The following MLC1 variants were observed in gnomAD, a reference collection of about 807,000 sequenced individuals.
The protein encoded by MLC1 is modulator of VRAC current 1.
A neutral mutation model predicts 44.7 loss-of-function variants in MLC1; 32 were observed. The observed-to-expected ratio is 0.72, with a 90% CI of 0.54 to 0.96. The LOEUF is 0.96. Ranked by LOEUF, MLC1 falls within the 40% of genes least tolerant of loss-of-function variation. The pLI is 0.00. For synonymous variants in MLC1, 190 were observed against 213.0 expected (o/e 0.89, Z 0.94); for missense variants, 459 against 492.2 (o/e 0.93, Z 0.64).
intron 3 of MLC1, among the ~76,000 whole-genome samples, chr22:50,082,365 G>T (rs536991273): frequency 1.8e-4 from 28 of 152,382 alleles, no homozygotes; most frequent in African/African-American, 6.5e-4. Flanking sequence ...AGGACCAGGG[G>T]ACAGCGGTTG....
chr22:50,077,212 G>A (rs1458157912), intron 6 of MLC1, among the ~76,000 whole-genome samples, 189 bp downstream of exon 6: 2 of 152,170 alleles, frequency 1.3e-5, no homozygotes, highest in Admixed American at 1.3e-4. Flanking sequence ...GCCAGCGGCC[G>A]CCAACCCCTC....
intron 10 of MLC1, among the ~76,000 whole-genome samples, chr22:50,065,667 G>T (rs1019513805): frequency 6.6e-6 from 1 of 152,184 alleles, no homozygotes; most frequent in Non-Finnish European, 1.5e-5. Flanking sequence ...CCGTGTCACC[G>T]AACTCCAGCG....
At chr22:50,065,020 G>T (rs1378028995) in intron 10 of MLC1, among the ~76,000 whole-genome samples, 2 of 152,124 alleles carry the variant, frequency 1.3e-5, no homozygotes, top group Non-Finnish European at 1.5e-5. Context: ...TACATCCCAG[G>T]TTCAAGCGAT....
intron 11 of MLC1, among the ~76,000 whole-genome samples, chr22:50,061,877 G>A (rs927003005): frequency 2.6e-5 from 4 of 152,154 alleles, no homozygotes; most frequent in Admixed American, 1.3e-4. Flanking sequence ...CCGCACACAC[G>A]GTTTCTACCG....
rs1204286155 is a variant in MLC1 at position 50,059,466 on chromosome 22, C to T, written c.*2117G>A. On this transcript the variant is annotated 3_prime_UTR_variant, in exon 12 of 12. Transcript: ENST00000311597. The stretch of plus-strand genomic sequence containing the variant: ...GACTGAAAGAGACAGTTCTTTTAAA[C>T]CCCATTTTTCCGGATTTTTTAAGCG... 1.1e-4 allele frequency: 17 copies of T among 152,366 alleles called. No homozygotes were observed. The highest frequency in any genetic ancestry group is 2.9e-5 in the Non-Finnish European group (2 of 68,040). 9.4% of individuals were successfully genotyped at this position (152,366 alleles called of 1,614,324 possible). A position where few individuals can be genotyped will look rare whatever the true frequency, so the allele number is the denominator to read the frequency against.
chr22:50,073,096 A>G (rs879231280), intron 8 of MLC1, among the ~76,000 whole-genome samples: 72 of 113,968 alleles, frequency 6.3e-4, no homozygotes, highest in East Asian at 1.7e-3. Context: ...CGGCCATACC[A>G]TTCCCGGGCA....
chr22:50,071,579 G>A (rs1053686749), intron 8 of MLC1, among the ~76,000 whole-genome samples: 5 of 152,196 alleles, frequency 3.3e-5, no homozygotes, highest in African/African-American at 1.2e-4. Flanking sequence ...GTGTGGGACA[G>A]GATTTCCTCA....
chr22:50,074,085 T>C lies in MLC1; in HGVS notation c.714+131A>G, dbSNP rs2272832. The C allele has an allele frequency of 5.5e-6, 4 of 724,216 alleles. No homozygotes were observed. In the East Asian group the frequency reaches 1.1e-4, roughly 20 times the overall value. 44.9% of individuals were successfully genotyped at this position (724,216 alleles called of 1,614,324 possible). A position where few individuals can be genotyped will look rare whatever the true frequency, so the allele number is the denominator to read the frequency against. Reference sequence around the variant, plus strand: ...CTTAACTCCCCAGTTCTTCTGAAGTTGGGGGCCAGCGAGGACCCTCTGTGG... The same window carrying C: ...CTTAACTCCCCAGTTCTTCTGAAGTCGGGGGCCAGCGAGGACCCTCTGTGG... On this transcript the variant is annotated intron_variant, in intron 8 of 11. Coordinates refer to ENST00000311597, the MANE Select transcript of MLC1 (RefSeq NM_015166.4).
chr22:50,079,024 C>T (rs930770770), intron 5 of MLC1, among the ~76,000 whole-genome samples: 1 of 151,790 alleles, frequency 6.6e-6, no homozygotes, highest in Non-Finnish European at 1.5e-5. Context: ...TGGCTCATAC[C>T]TGTAATCCCA....
In MLC1 at chr22:50,064,738, G is replaced by A. The variant is rs533937566; in HGVS notation, c.895-540C>T. Among the ~76,000 whole-genome samples, 13 of 152,268 alleles carry A rather than the reference G, an allele frequency of 8.5e-5. No homozygotes were observed. The East Asian group carries it at 1.5e-3, about 18-fold the overall frequency. On this transcript the variant is annotated intron_variant, in intron 10 of 11. Transcript: ENST00000311597. ...AGGGAAGAGGATGGAGGGAGCGGCC[G>A]AGGATGCAGGGGGCCAGAGAGTGAC...
intron 8 of MLC1, among the ~76,000 whole-genome samples, chr22:50,073,879 G>A (rs1049052725): frequency 5.9e-5 from 9 of 152,108 alleles, no homozygotes; most frequent in Non-Finnish European, 1.2e-4. Context: ...GAAACACATA[G>A]TGTAATATAA....
chr22:50,085,462 G>A (rs997296451), upstream of MLC1: 1 of 173,096 alleles, frequency 5.8e-6, no homozygotes, highest in African/African-American at 2.4e-5. Context: ...CTGAAGGCAG[G>A]GGAAGGAGAG....
At chr22:50,063,433 A>T (rs1276876823) in intron 11 of MLC1, among the ~76,000 whole-genome samples, 2 of 148,086 alleles carry the variant, frequency 1.4e-5, no homozygotes. Flanking sequence ...TGATCGCGCC[A>T]CTGCACTCCA....
chr22:50,061,715 T>G (rs1601958160), intron 11 of MLC1, 58 bp from the exon 12 acceptor site: 5 of 1,491,794 alleles, frequency 3.4e-6, no homozygotes, highest in Non-Finnish European at 3.7e-6. Context: ...GGCGGGAAGG[T>G]GGACACGCCA....
intron 11 of MLC1, 123 bp downstream of exon 11, chr22:50,063,911 C>T: frequency 9.0e-7 from 1 of 1,107,328 alleles, no homozygotes; most frequent in East Asian, 2.8e-5. Context: ...CCCGGCTGGG[C>T]ACCCCTGTGG....
chr22:50,064,153 G>T lies in MLC1; in HGVS notation c.940C>A (p.Leu314Met). The change falls in exon 11 of 12, where the codon CTG becomes ATG. Residue 314 changes from leucine (L) to methionine (M), a missense_variant. By Grantham distance (15) the Leu-to-Met change is conservative (BLOSUM62 2). Coordinates refer to ENST00000311597, the MANE Select transcript of MLC1 (RefSeq NM_015166.4). ...GTGCCCGTGTTGAGGCCGGCCTGCAGCAGGAGCACTAGCAGCAGCAGCAGC... is the reference window on the plus strand; with the variant it reads ...GTGCCCGTGTTGAGGCCGGCCTGCATCAGGAGCACTAGCAGCAGCAGCAGC... ...LLLLLLLVLL[L>M]QAGLNTGTAI... 1 of 1,607,230 alleles carries T rather than the reference G, an allele frequency of 6.2e-7. No homozygotes were observed. The highest frequency in any genetic ancestry group is 8.5e-7 in the Non-Finnish European group (1 of 1,179,700).
chr22:50,074,141 G>A, intron 8 of MLC1, 75 bp downstream of exon 8: 1 of 1,272,004 alleles, frequency 7.9e-7, no homozygotes, highest in African/African-American at 1.5e-5. Flanking sequence ...CCAAGACTGA[G>A]CTCGGGGCCC....
chr22:50,080,982 G>A (rs146310975), intron 3 of MLC1, among the ~76,000 whole-genome samples: 656 of 63,326 alleles, frequency 0.01, 5 homozygotes, highest in African/African-American at 0.03. Context: ...GTGAATACTC[G>A]GTGATAGAGT....
chr22:50,076,294 C>T (rs1377493060), intron 7 of MLC1, among the ~76,000 whole-genome samples: 1 of 152,170 alleles, frequency 6.6e-6, no homozygotes, highest in Non-Finnish European at 1.5e-5. Flanking sequence ...GTGGCTCACA[C>T]CTGTAATCCC....
Sources: gnomAD v4.1 joint callset for allele counts (sites outside exome capture counted in the v4.1 genomes callset) on GRCh38, gnomAD v4.1.1 for gene constraint, MANE v1.5 for transcripts, NCBI Gene and HGNC (gene_info 2026-07-23, HGNC 2026-07-21) for gene names.